Variants in TAFA1 observed in about 807,000 individuals in gnomAD.
The protein encoded by TAFA1 is chemokine-like protein TAFA-1.
A neutral mutation model predicts 18.5 loss-of-function variants in TAFA1; 4 were observed. The observed-to-expected ratio is 0.22, with a 90% confidence interval of 0.11 to 0.49. The LOEUF is 0.49. Ranked by LOEUF, TAFA1 falls within the 20% of genes least tolerant of loss-of-function variation. The pLI, the probability that TAFA1 is intolerant of heterozygous loss-of-function variation, is 0.98. For synonymous variants in TAFA1, 56 were observed against 55.2 expected, an observed-to-expected ratio of 1.01 and a Z score of -0.06; for missense variants, 147 against 169.0, an observed-to-expected ratio of 0.87 and a Z score of 0.72.
intron 2 of TAFA1, among the ~76,000 whole-genome samples, chr3:68,299,411 G>A (rs765781468): frequency 6.6e-6 from 1 of 152,188 alleles, no homozygotes; most frequent in South Asian, 2.1e-4. Context: ...AGTTCAAGAT[G>A]TGACTTGGGT....
At chr3:68,456,283 A>G (rs1401395286) in intron 3 of TAFA1, among the ~76,000 whole-genome samples, 1 of 152,170 alleles carries the variant, frequency 6.6e-6, no homozygotes, top group Non-Finnish European at 1.5e-5. Context: ...GCATTTGCGC[A>G]AAACAATACA....
chr3:68,406,624 T>G (rs1033906923), intron 2 of TAFA1, among the ~76,000 whole-genome samples: 4 of 152,170 alleles, frequency 2.6e-5, no homozygotes, highest in African/African-American at 4.8e-5. Flanking sequence ...TGGAATGTAT[T>G]GAAGGAAAGT....
At chr3:68,305,377 CTA>C (rs1236252185) in intron 2 of TAFA1, among the ~76,000 whole-genome samples, 1 of 94,256 alleles carries the variant, frequency 1.1e-5, no homozygotes, top group Non-Finnish European at 2.2e-5. Context: ...ATATAAATGG[CTA>C]TATATATATG....
At chr3:68,048,353 G>A (rs986852108) in intron 2 of TAFA1, among the ~76,000 whole-genome samples, 1 of 151,778 alleles carries the variant, frequency 6.6e-6, no homozygotes, top group Admixed American at 6.6e-5. Context: ...TATATTCATG[G>A]GGTACATGAG....
chr3:68,414,385 G>A (rs935501055), intron 2 of TAFA1, among the ~76,000 whole-genome samples: 2 of 152,096 alleles, frequency 1.3e-5, no homozygotes, highest in African/African-American at 4.8e-5. Flanking sequence ...ATTTAACCTT[G>A]GTAACCTTTC....
intron 2 of TAFA1, among the ~76,000 whole-genome samples, chr3:68,244,677 G>T (rs2067043358): frequency 6.6e-6 from 1 of 152,090 alleles, no homozygotes; most frequent in Non-Finnish European, 1.5e-5. Context: ...TCCCTAGCCA[G>T]CATGATTTAT....
At chr3:68,359,345 C>G (rs1170211070) in intron 2 of TAFA1, among the ~76,000 whole-genome samples, 3 of 151,918 alleles carry the variant, frequency 2.0e-5, no homozygotes, top group Non-Finnish European at 4.4e-5. Flanking sequence ...AATATGTTAC[C>G]CTACAAGGCA....
At chr3:68,184,472 T>A (rs1051359957) in intron 2 of TAFA1, among the ~76,000 whole-genome samples, 9 of 152,148 alleles carry the variant, frequency 5.9e-5, no homozygotes, top group Admixed American at 5.9e-4. Flanking sequence ...TGTGTGTGTG[T>A]GAAAGCAAAA....
upstream of TAFA1, among the ~76,000 whole-genome samples, chr3:68,000,334 C>T (rs1285991423): frequency 1.3e-5 from 2 of 152,134 alleles, no homozygotes; most frequent in African/African-American, 4.8e-5. Flanking sequence ...CCAGAAATAG[C>T]TATTAACACT....
chr3:68,191,189 T>C (rs1054353879), intron 2 of TAFA1, among the ~76,000 whole-genome samples: 1 of 151,870 alleles, frequency 6.6e-6, no homozygotes, highest in African/African-American at 2.4e-5. Context: ...TTTTAAATTC[T>C]GTGGTAAACA....
chr3:68,160,061 AC>A (rs2065907900), intron 2 of TAFA1, among the ~76,000 whole-genome samples: 1 of 152,222 alleles, frequency 6.6e-6, no homozygotes, highest in African/African-American at 2.4e-5. Flanking sequence ...TAATAGGCAG[AC>A]TGAATAAGTG....
intron 3 of TAFA1, among the ~76,000 whole-genome samples, chr3:68,518,449 A>G (rs1174813050): frequency 1.3e-5 from 2 of 152,214 alleles, no homozygotes; most frequent in Non-Finnish European, 2.9e-5. Flanking sequence ...ATATGCACTG[A>G]AATTTATTAA....
At position 68,529,436 on chromosome 3, in the gene TAFA1, TAAAAAAAAA is replaced by T. The variant is rs533214097; in HGVS notation, c.260-9298_260-9290del. On this transcript the variant is annotated intron_variant, in intron 3 of 4. Transcript: ENST00000478136. ...CATGGAATCTAGATTCACCATTCTC[TAAAAAAAAA>T]AAAAAAAAAAAAAAAAAAAAAGAAC... Among the ~76,000 whole-genome samples the T allele has an allele frequency of 4.4e-3, 341 of 77,066 alleles. 3 individuals are homozygous for T. The highest frequency in any genetic ancestry group is 0.013 in the South Asian group (27 of 2,006). The allele number at this position is 77,066 out of a possible 152,430, so 50.6% of individuals were successfully genotyped here. A position where few individuals can be genotyped will look rare whatever the true frequency, so the allele number is the denominator to read the frequency against.
At chr3:68,214,432 C>T (rs1362359398) in intron 2 of TAFA1, among the ~76,000 whole-genome samples, 3 of 152,070 alleles carry the variant, frequency 2.0e-5, no homozygotes, top group Non-Finnish European at 4.4e-5. Context: ...TACTATAAGG[C>T]CTTTCCCTTT....
intron 3 of TAFA1, among the ~76,000 whole-genome samples, chr3:68,486,198 C>G (rs984230116): frequency 1.3e-5 from 2 of 151,270 alleles, no homozygotes; most frequent in Non-Finnish European, 1.5e-5. Context: ...AACTTCTGGG[C>G]TCAAGCCATC....
chr3:68,033,981 C>T (rs576495001), intron 2 of TAFA1, among the ~76,000 whole-genome samples: 3 of 152,162 alleles, frequency 2.0e-5, no homozygotes, highest in African/African-American at 7.2e-5. Context: ...CATAATCACA[C>T]TGTAAGGAAG....
At chr3:68,264,156 G>A (rs189030073) in intron 2 of TAFA1, among the ~76,000 whole-genome samples, 244 of 152,228 alleles carry the variant, frequency 1.6e-3, no homozygotes, top group Non-Finnish European at 3.0e-3. Context: ...TGTAATCCCA[G>A]CGATTCGGGA....
chr3:68,519,391 G>A (rs1225722530), intron 3 of TAFA1, among the ~76,000 whole-genome samples: 1 of 152,170 alleles, frequency 6.6e-6, no homozygotes, highest in Non-Finnish European at 1.5e-5. Flanking sequence ...ATAAATTTCT[G>A]TCCTATATAA....
intron 2 of TAFA1, among the ~76,000 whole-genome samples, chr3:68,343,203 T>C (rs2069112344): frequency 6.6e-6 from 1 of 152,202 alleles, no homozygotes; most frequent in Non-Finnish European, 1.5e-5. Context: ...CCCAAATAAA[T>C]AATGTTACAT....
Sources: allele counts gnomAD v4.1 joint callset (sites outside exome capture counted in the v4.1 genomes callset), GRCh38; gene constraint gnomAD v4.1.1; transcripts MANE v1.5; gene names NCBI Gene and HGNC (gene_info 2026-07-23, HGNC 2026-07-21).